FSHR: variants seen among roughly 807,000 people sequenced by gnomAD.
The protein encoded by FSHR is follicle-stimulating hormone receptor.
A neutral mutation model predicts 52.1 loss-of-function variants in FSHR; 46 were observed. That is an observed-to-expected ratio of 0.88 (90% CI 0.70 to 1.13). FSHR has a LOEUF of 1.13. Ranked by LOEUF, FSHR falls within the 50% of genes most tolerant of loss-of-function variation. FSHR has a pLI of 0.00. For missense variants in FSHR, 964 were observed against 834.6 expected, an observed-to-expected ratio of 1.16 and a Z score of -1.91; for synonymous variants, 399 against 309.6, an observed-to-expected ratio of 1.29 and a Z score of -3.03.
intron 1 of FSHR, among the ~76,000 whole-genome samples, chr2:49,095,311 G>A (rs1670782219): frequency 6.6e-6 from 1 of 152,232 alleles, no homozygotes; most frequent in South Asian, 2.1e-4. Flanking sequence ...TGAGAGTCCG[G>A]AAATAAGCCC....
At chr2:49,049,506 C>T (rs560622118) in intron 2 of FSHR, among the ~76,000 whole-genome samples, 1 of 152,052 alleles carries the variant, frequency 6.6e-6, no homozygotes, top group East Asian at 1.9e-4. Flanking sequence ...TATCAAATGG[C>T]CAAGAGGGTG....
At chr2:49,011,013 TG>T (rs2104184461) in intron 4 of FSHR, among the ~76,000 whole-genome samples, 1 of 150,788 alleles carries the variant, frequency 6.6e-6, no homozygotes, top group East Asian at 2.0e-4. Context: ...AAGGGTTTTT[TG>T]TGTCTCTATT....
intron 1 of FSHR, among the ~76,000 whole-genome samples, chr2:49,140,574 C>G (rs547857394): frequency 1.3e-5 from 2 of 151,984 alleles, no homozygotes; most frequent in Non-Finnish European, 1.5e-5. Context: ...ATGGTGCGTG[C>G]CTGTAATCCC....
chr2:49,057,031 T>C (rs1202499517), intron 2 of FSHR, among the ~76,000 whole-genome samples: 2 of 151,980 alleles, frequency 1.3e-5, no homozygotes, highest in African/African-American at 4.8e-5. Context: ...CAAGTTTATA[T>C]CAGTAAACCC....
intron 2 of FSHR, among the ~76,000 whole-genome samples, chr2:49,057,816 A>T (rs1175366510): frequency 1.3e-5 from 2 of 152,200 alleles, no homozygotes; most frequent in African/African-American, 4.8e-5. Flanking sequence ...CAAAGAAATA[A>T]TATATGAGAA....
intron 9 of FSHR, among the ~76,000 whole-genome samples, chr2:48,965,882 G>A (rs1419070808): frequency 6.6e-6 from 1 of 152,230 alleles, no homozygotes. Flanking sequence ...TGCCTCCGCA[G>A]TACTTTGGAA....
intron 4 of FSHR, among the ~76,000 whole-genome samples, chr2:49,006,009 T>C (rs185408938): frequency 9.2e-5 from 14 of 152,242 alleles, no homozygotes; most frequent in Admixed American, 2.0e-4. Context: ...TAGACTGGCT[T>C]AGCCTCTCAG....
chr2:49,139,073 T>A (rs1672583570), intron 1 of FSHR, among the ~76,000 whole-genome samples: 1 of 152,230 alleles, frequency 6.6e-6, no homozygotes, highest in Non-Finnish European at 1.5e-5. Context: ...TTCATTTCAC[T>A]GGGCTTCATT....
intron 4 of FSHR, among the ~76,000 whole-genome samples, chr2:49,012,701 A>G (rs1161779854): frequency 1.3e-5 from 2 of 152,054 alleles, no homozygotes; most frequent in East Asian, 1.9e-4. Flanking sequence ...CAACAACTCA[A>G]TCCTACTGGT....
intron 1 of FSHR, among the ~76,000 whole-genome samples, chr2:49,074,818 C>T (rs1185714619): frequency 2.6e-5 from 4 of 152,068 alleles, no homozygotes; most frequent in African/African-American, 4.8e-5. Flanking sequence ...GGTATATATA[C>T]ATAATGGAAT....
chr2:49,061,540 AAAT>A (rs1167719273), intron 2 of FSHR, among the ~76,000 whole-genome samples: 2 of 146,568 alleles, frequency 1.4e-5, no homozygotes, highest in African/African-American at 5.0e-5. Flanking sequence ...AGATATATAA[AAAT>A]AAATACATAT....
At chr2:49,126,351 A>T (rs1193122516) in intron 1 of FSHR, among the ~76,000 whole-genome samples, 2 of 152,142 alleles carry the variant, frequency 1.3e-5, no homozygotes, top group Non-Finnish European at 2.9e-5. Flanking sequence ...GGGGGCAAGA[A>T]GGGATTGAAC....
chr2:49,119,389 T>G (rs954616543), intron 1 of FSHR, among the ~76,000 whole-genome samples: 3 of 149,656 alleles, frequency 2.0e-5, no homozygotes, highest in African/African-American at 7.7e-5. Context: ...TGTTTTTTTT[T>G]TGTTTTTGTT....
At chr2:49,137,085 A>T (rs1177075193) in intron 1 of FSHR, among the ~76,000 whole-genome samples, 2 of 152,116 alleles carry the variant, frequency 1.3e-5, no homozygotes, top group Non-Finnish European at 1.5e-5. Flanking sequence ...TTCACAGATG[A>T]TATATTCCTG....
At chr2:48,996,810 A>T (rs1676043116) in intron 4 of FSHR, among the ~76,000 whole-genome samples, 1 of 152,118 alleles carries the variant, frequency 6.6e-6, no homozygotes, top group Non-Finnish European at 1.5e-5. Context: ...TCACGTACTG[A>T]TTTTGGATTG....
At chr2:49,142,901 G>C (rs951073356) in intron 1 of FSHR, among the ~76,000 whole-genome samples, 1 of 152,156 alleles carries the variant, frequency 6.6e-6, no homozygotes, top group African/African-American at 2.4e-5. Flanking sequence ...GATGAAGGCT[G>C]GGAGAAGAGA....
chr2:49,036,449 T>C (rs1056387517), intron 2 of FSHR, among the ~76,000 whole-genome samples: 7 of 151,658 alleles, frequency 4.6e-5, no homozygotes, highest in Non-Finnish European at 8.8e-5. Flanking sequence ...AATTAAAAAA[T>C]CATGTTATAT....
chr2:49,002,096 C>T (rs750818679), intron 4 of FSHR, among the ~76,000 whole-genome samples: 5 of 152,090 alleles, frequency 3.3e-5, no homozygotes, highest in Non-Finnish European at 7.4e-5. Flanking sequence ...GAACCTCAAG[C>T]TTCTGGTCTG....
chr2:49,035,446 C>A (rs1572661868), intron 2 of FSHR, among the ~76,000 whole-genome samples: 1 of 152,206 alleles, frequency 6.6e-6, no homozygotes, highest in Non-Finnish European at 1.5e-5. Flanking sequence ...GTGGTATCCT[C>A]TTCTCTGCCT....
Sources: gnomAD v4.1 joint callset for allele counts (sites outside exome capture counted in the v4.1 genomes callset) on GRCh38, gnomAD v4.1.1 for gene constraint, MANE v1.5 for transcripts, NCBI Gene and HGNC (gene_info 2026-07-23, HGNC 2026-07-21) for gene names.